Variants in PRR16 observed in about 807,000 individuals in gnomAD.
PRR16 encodes proline rich 16, also known as protein Largen.
PRR16 carries 6 observed loss-of-function variants against 18.2 expected under a neutral mutation model. The observed-to-expected ratio is 0.33, with a 90% CI of 0.18 to 0.65. PRR16 has a LOEUF of 0.65. Among genes scored for constraint, PRR16 ranks in the 30% least tolerant of loss-of-function variants. PRR16 has a pLI of 0.74. For synonymous variants in PRR16, 151 were observed against 147.8 expected (o/e 1.02, Z -0.16); for missense variants, 412 against 376.6 (o/e 1.09, Z -0.78).
the PRR16 span, among the ~76,000 whole-genome samples, chr5:120,747,989 C>T: frequency 0.15 from 22,437 of 151,992 alleles, 2,506 homozygotes; most frequent in African/African-American, 0.31. Flanking sequence ...ATGTCATTTA[C>T]GAATCGTTGC....
chr5:120,609,522 A>G (rs938281603), intron 1 of PRR16, among the ~76,000 whole-genome samples: 1 of 152,224 alleles, frequency 6.6e-6, no homozygotes, highest in Non-Finnish European at 1.5e-5. Flanking sequence ...TGATCTCAAG[A>G]TGAAGAGCCA....
chr5:120,677,261 A>G (rs1044659936), intron 1 of PRR16, among the ~76,000 whole-genome samples: 4 of 149,048 alleles, frequency 2.7e-5, no homozygotes, highest in Non-Finnish European at 6.1e-5. Context: ...AAGTGGCCCT[A>G]CTGTGTCCTT....
At chr5:120,696,707 A>T in the PRR16 span, among the ~76,000 whole-genome samples, 5 of 152,196 alleles carry the variant, frequency 3.3e-5, no homozygotes, top group Non-Finnish European at 7.3e-5. Flanking sequence ...TAAGCAAAAA[A>T]ATTTGAGCTA....
At chr5:120,537,781 T>A (rs1349915688) in intron 1 of PRR16, among the ~76,000 whole-genome samples, 98 of 144,190 alleles carry the variant, frequency 6.8e-4, no homozygotes, top group African/African-American at 8.7e-4. Flanking sequence ...TTTTTTTTTT[T>A]TTTTTTTTTT....
intron 1 of PRR16, among the ~76,000 whole-genome samples, chr5:120,610,587 C>T (rs186678184): frequency 4.9e-4 from 75 of 152,064 alleles, no homozygotes; most frequent in African/African-American, 1.5e-3. Flanking sequence ...TAAGAGATCA[C>T]GAGATCTAAT....
intron 1 of PRR16, among the ~76,000 whole-genome samples, chr5:120,488,209 T>C (rs887261201): frequency 5.3e-5 from 8 of 152,210 alleles, no homozygotes; most frequent in African/African-American, 1.9e-4. Flanking sequence ...ATTGGAATAG[T>C]TTCAGAAGGA....
the PRR16 span, among the ~76,000 whole-genome samples, chr5:120,735,337 G>T: frequency 6.6e-6 from 1 of 152,108 alleles, no homozygotes; most frequent in African/African-American, 2.4e-5. Context: ...ATGCAAAAAT[G>T]TTATCAAGAT....
intron 1 of PRR16, among the ~76,000 whole-genome samples, chr5:120,631,242 A>G (rs1755043274): frequency 6.6e-6 from 1 of 152,150 alleles, no homozygotes; most frequent in Admixed American, 6.6e-5. Flanking sequence ...AGACAAAACT[A>G]GCTTGGGTGG....
At chr5:120,625,262 T>G (rs1754826836) in intron 1 of PRR16, among the ~76,000 whole-genome samples, 1 of 152,128 alleles carries the variant, frequency 6.6e-6, no homozygotes, top group African/African-American at 2.4e-5. Flanking sequence ...TTGAAGCAAG[T>G]GGTTATTAGA....
chr5:120,791,153 C>G, the PRR16 span, among the ~76,000 whole-genome samples: 1 of 151,956 alleles, frequency 6.6e-6, no homozygotes, highest in Non-Finnish European at 1.5e-5. Flanking sequence ...CTAAATAAAT[C>G]TGTTGTTTGT....
At chr5:120,685,892 T>C (rs115493552) in intron 1 of PRR16, 62 bp from the exon 2 acceptor site, 5 of 1,267,718 alleles carry the variant, frequency 3.9e-6, no homozygotes, top group East Asian at 5.1e-5. Context: ...CAAAAATAAA[T>C]TGTTTCTAGT....
chr5:120,484,960 A>T (rs559761726), intron 1 of PRR16, among the ~76,000 whole-genome samples: 1 of 151,692 alleles, frequency 6.6e-6, no homozygotes, highest in Admixed American at 6.6e-5. Flanking sequence ...CATTGTATAT[A>T]TTTTTGTCAA....
intron 1 of PRR16, among the ~76,000 whole-genome samples, chr5:120,668,748 A>G (rs975695224): frequency 4.6e-5 from 7 of 152,162 alleles, no homozygotes; most frequent in Non-Finnish European, 1.0e-4. Context: ...TTCTAGGTTG[A>G]AAATTCTTTT....
the PRR16 span, among the ~76,000 whole-genome samples, chr5:120,791,892 A>G: frequency 6.6e-6 from 1 of 152,234 alleles, no homozygotes; most frequent in African/African-American, 2.4e-5. Flanking sequence ...AATACCTTGC[A>G]ATGTAATGAA....
intron 1 of PRR16, chr5:120,465,621 G>T (rs1749053607): frequency 6.5e-6 from 1 of 152,980 alleles, no homozygotes; most frequent in Non-Finnish European, 1.5e-5. Flanking sequence ...GGGGTCTCCC[G>T]AGCCAGGCTG....
the PRR16 span, among the ~76,000 whole-genome samples, chr5:120,767,873 T>C: frequency 6.6e-6 from 1 of 151,756 alleles, no homozygotes; most frequent in Non-Finnish European, 1.5e-5. Context: ...ATTCACAACT[T>C]AGAGTGACTG....
the PRR16 span, among the ~76,000 whole-genome samples, chr5:120,711,525 G>A: frequency 3.3e-5 from 5 of 152,120 alleles, no homozygotes; most frequent in South Asian, 1.0e-3. Context: ...AACTATTTGA[G>A]ATTTACCCAA....
intron 1 of PRR16, among the ~76,000 whole-genome samples, chr5:120,670,640 A>G (rs1034539808): frequency 3.9e-5 from 6 of 152,122 alleles, no homozygotes; most frequent in African/African-American, 1.4e-4. Flanking sequence ...TAAGAATGCT[A>G]GAACTCTAGC....
chr5:120,560,396 C>CA (rs1561546175), intron 1 of PRR16, among the ~76,000 whole-genome samples: 1 of 150,654 alleles, frequency 6.6e-6, no homozygotes, highest in Non-Finnish European at 1.5e-5. Context: ...TTGAAATGAT[C>CA]TTTTTTTTTG....
Sources: allele counts gnomAD v4.1 joint callset (sites outside exome capture counted in the v4.1 genomes callset), GRCh38; gene constraint gnomAD v4.1.1; transcripts MANE v1.5; gene names NCBI Gene and HGNC (gene_info 2026-07-23, HGNC 2026-07-21).